The following TNFSF4 variants were observed in gnomAD, a reference collection of about 807,000 sequenced individuals.
TNFSF4 encodes tumor necrosis factor ligand superfamily member 4.
In TNFSF4, 4 loss-of-function variants were observed where a neutral mutation model predicts 7.3. The ratio of observed to expected loss-of-function variants is 0.55; its 90% CI spans 0.27 to 1.25. TNFSF4 has a LOEUF of 1.25. TNFSF4 is among the 50% of genes most tolerant of loss of function. The pLI is 0.12. For missense variants in TNFSF4, 181 were observed against 208.8 expected (o/e 0.87, Z 0.82); for synonymous variants, 76 against 83.7 (o/e 0.91, Z 0.50).
At chr1:173,284,444 T>C in the TNFSF4 span, among the ~76,000 whole-genome samples, 2 of 152,290 alleles carry the variant, frequency 1.3e-5, no homozygotes, top group East Asian at 3.9e-4. Flanking sequence ...CCAGAAGGTC[T>C]AGGTAAGACA....
chr1:173,345,023 T>C, the TNFSF4 span, among the ~76,000 whole-genome samples: 1 of 152,200 alleles, frequency 6.6e-6, no homozygotes, highest in Non-Finnish European at 1.5e-5. Flanking sequence ...TTACTGAAAT[T>C]TCAATCATAT....
At chr1:173,354,599 T>C in the TNFSF4 span, among the ~76,000 whole-genome samples, 1,239 of 152,332 alleles carry the variant, frequency 8.1e-3, 7 homozygotes, top group Non-Finnish European at 0.013. Flanking sequence ...CCCAAAAGGC[T>C]GATAAATTTC....
chr1:173,273,405 T>C, the TNFSF4 span, among the ~76,000 whole-genome samples: 1 of 152,170 alleles, frequency 6.6e-6, no homozygotes, highest in African/African-American at 2.4e-5. Context: ...CACAAGTTAT[T>C]ATAAGTTTAT....
At chr1:173,235,539 C>A in the TNFSF4 span, among the ~76,000 whole-genome samples, 4 of 152,298 alleles carry the variant, frequency 2.6e-5, no homozygotes, top group African/African-American at 9.6e-5. Flanking sequence ...GAACTTGACA[C>A]ATGAGTTGTA....
At chr1:173,332,160 C>T in the TNFSF4 span, among the ~76,000 whole-genome samples, 2 of 152,178 alleles carry the variant, frequency 1.3e-5, no homozygotes, top group Non-Finnish European at 2.9e-5. Context: ...CTAGGTATGC[C>T]TGAATGACTG....
chr1:173,308,628 CAAT>C, the TNFSF4 span, among the ~76,000 whole-genome samples: 16 of 151,764 alleles, frequency 1.1e-4, no homozygotes, highest in Admixed American at 6.6e-5. Context: ...CTTAAAACAA[CAAT>C]AATAATTTTT....
At chr1:173,440,286 C>CTA in the TNFSF4 span, among the ~76,000 whole-genome samples, 1 of 152,120 alleles carries the variant, frequency 6.6e-6, no homozygotes, top group Admixed American at 6.5e-5. Context: ...ATGGGTTTCA[C>CTA]TTTTTCCAAG....
the TNFSF4 span, among the ~76,000 whole-genome samples, chr1:173,275,158 C>T: frequency 6.6e-6 from 1 of 152,216 alleles, no homozygotes; most frequent in African/African-American, 2.4e-5. Flanking sequence ...GCTCCGTGTT[C>T]TCTATATGTC....
intron 1 of TNFSF4, chr1:173,205,255 G>A: frequency 6.2e-7 from 1 of 1,601,090 alleles, no homozygotes; most frequent in South Asian, 1.1e-5. Flanking sequence ...CCTATGTCTT[G>A]CTTCCATCTC....
At chr1:173,391,011 G>A in the TNFSF4 span, among the ~76,000 whole-genome samples, 1 of 151,966 alleles carries the variant, frequency 6.6e-6, no homozygotes, top group African/African-American at 2.4e-5. Flanking sequence ...CTCCCAAAGT[G>A]CTGGGATTAC....
the TNFSF4 span, among the ~76,000 whole-genome samples, chr1:173,243,012 G>GGGC: frequency 8.8e-6 from 1 of 113,394 alleles, no homozygotes; most frequent in South Asian, 3.9e-4. Context: ...GGTGGGGGGG[G>GGGC]GGGGGGAGCA....
chr1:173,299,868 A>G, the TNFSF4 span, among the ~76,000 whole-genome samples: 1 of 151,814 alleles, frequency 6.6e-6, no homozygotes, highest in Non-Finnish European at 1.5e-5. Flanking sequence ...ATTAACTATA[A>G]GCAGTTTTCT....
At chr1:173,265,449 A>G in the TNFSF4 span, among the ~76,000 whole-genome samples, 1 of 152,266 alleles carries the variant, frequency 6.6e-6, no homozygotes, top group African/African-American at 2.4e-5. Flanking sequence ...TGTAGACTCA[A>G]TAGAAATTAG....
chr1:173,252,704 C>G, the TNFSF4 span, among the ~76,000 whole-genome samples: 2 of 152,260 alleles, frequency 1.3e-5, no homozygotes, highest in Admixed American at 6.5e-5. Context: ...ATGCTGAAGG[C>G]TGATAGAAAG....
the TNFSF4 span, among the ~76,000 whole-genome samples, chr1:173,316,384 T>C: frequency 2.6e-5 from 4 of 152,126 alleles, no homozygotes; most frequent in Non-Finnish European, 4.4e-5. Context: ...GAAAAGATTG[T>C]ATCAATTTTT....
chr1:173,225,311 A>G, the TNFSF4 span, among the ~76,000 whole-genome samples: 1 of 152,152 alleles, frequency 6.6e-6, no homozygotes, highest in African/African-American at 2.4e-5. Flanking sequence ...AACATCACCA[A>G]TTCTCAATTT....
At chr1:173,196,162 G>A (rs1370934882) in intron 1 of TNFSF4, among the ~76,000 whole-genome samples, 1 of 152,182 alleles carries the variant, frequency 6.6e-6, no homozygotes, top group Non-Finnish European at 1.5e-5. Context: ...CCTGACTTCT[G>A]ATCACGGAAG....
chr1:173,367,713 C>T, the TNFSF4 span, among the ~76,000 whole-genome samples: 2 of 152,224 alleles, frequency 1.3e-5, no homozygotes, highest in Admixed American at 6.5e-5. Flanking sequence ...CATGGAAAAT[C>T]TGCCTCTGAA....
the TNFSF4 span, among the ~76,000 whole-genome samples, chr1:173,279,236 CT>C: frequency 6.6e-6 from 1 of 152,068 alleles, no homozygotes; most frequent in Non-Finnish European, 1.5e-5. Context: ...TTCTTTTGAT[CT>C]TTTTGTGACA....
Sources: gnomAD v4.1 joint callset for allele counts (sites outside exome capture counted in the v4.1 genomes callset) on GRCh38, gnomAD v4.1.1 for gene constraint, MANE v1.5 for transcripts, NCBI Gene and HGNC (gene_info 2026-07-23, HGNC 2026-07-21) for gene names.